SLX9: variants seen among roughly 807,000 people sequenced by gnomAD.
The protein encoded by SLX9 is SLX9 ribosome biogenesis factor, also known as ribosome biogenesis protein SLX9 homolog.
A neutral mutation model predicts 20.8 loss-of-function variants in SLX9; 19 were observed. The ratio of observed to expected loss-of-function variants is 0.91; its 90% CI spans 0.64 to 1.34. The LOEUF (loss-of-function observed/expected upper bound fraction) is 1.34, where lower values mean the gene tolerates loss of function less well. Ranked by LOEUF, SLX9 falls within the 40% of genes most tolerant of loss-of-function variation. The pLI is 0.00. For missense variants in SLX9, 299 were observed against 322.2 expected, an observed-to-expected ratio of 0.93 and a Z score of 0.55; for synonymous variants, 113 against 137.1, an observed-to-expected ratio of 0.82 and a Z score of 1.23.
In SLX9 at chr21:44,941,720, C is replaced by T. The variant is rs75747010; in HGVS notation, c.129+1534C>T. ...CTGGTAGGGTGCGTCCTTGAACATGCGCACAGCCTCCAGACTGCCAGGGAT... is the reference window on the plus strand; with the variant it reads ...CTGGTAGGGTGCGTCCTTGAACATGTGCACAGCCTCCAGACTGCCAGGGAT... On this transcript the variant is annotated intron_variant, in intron 1 of 5. Coordinates refer to ENST00000291634, the MANE Select transcript of SLX9 (RefSeq NM_058190.4). Among the ~76,000 whole-genome samples, 29 of 152,290 alleles carry T rather than the reference C, an allele frequency of 1.9e-4. No individual in the cohort carries two copies. In the East Asian group the frequency reaches 4.2e-3, roughly 22 times the overall value.
chr21:44,944,743 G>T (rs1470729806), intron 2 of SLX9, among the ~76,000 whole-genome samples: 2 of 152,204 alleles, frequency 1.3e-5, no homozygotes, highest in Non-Finnish European at 2.9e-5. Context: ...AGCTGGGAGC[G>T]CCAGGACAGG....
At chr21:44,968,263 ACAACCCCCAGTGACG>A (rs1203328130) in intron 4 of SLX9, among the ~76,000 whole-genome samples, 5 of 151,236 alleles carry the variant, frequency 3.3e-5, no homozygotes, top group South Asian at 2.1e-4. Flanking sequence ...CCCCAGTGAC[ACAACCCCCAGTGACG>A]CAACCCCGCC....
intron 2 of SLX9, among the ~76,000 whole-genome samples, chr21:44,952,717 T>C (rs2084781322): frequency 2.0e-5 from 3 of 152,184 alleles, no homozygotes; most frequent in African/African-American, 7.2e-5. Context: ...GTCCGTGTCA[T>C]GTGCTCCGGG....
At chr21:44,939,769 CCTTGGACGCAACCCCGGG>C (rs2084503907), upstream of SLX9, 1 of 541,508 alleles carries the variant, frequency 1.8e-6, no homozygotes, top group Non-Finnish European at 3.5e-6. Flanking sequence ...CCATCCCCGA[CCTTGGACGCAACCCCGGG>C]CTTGGGTCCC....
chr21:44,959,678 G>A (rs998263024), intron 2 of SLX9, among the ~76,000 whole-genome samples: 5 of 152,236 alleles, frequency 3.3e-5, no homozygotes, highest in Admixed American at 2.0e-4. Flanking sequence ...TGGGCCTGAC[G>A]TGACCACACA....
intron 2 of SLX9, among the ~76,000 whole-genome samples, chr21:44,948,946 C>T (rs1042507101): frequency 9.2e-5 from 14 of 152,182 alleles, no homozygotes; most frequent in African/African-American, 3.4e-4. Flanking sequence ...GCCAAGCCAC[C>T]CTCAGCCCCC....
chr21:44,947,026 G>A (rs548428000), intron 2 of SLX9, among the ~76,000 whole-genome samples: 3 of 152,200 alleles, frequency 2.0e-5, no homozygotes, highest in African/African-American at 7.2e-5. Context: ...TCAGGCCTCC[G>A]AGGTATCCAG....
At chr21:44,973,803 C>T (rs1048623447) in intron 5 of SLX9, among the ~76,000 whole-genome samples, 8 of 152,184 alleles carry the variant, frequency 5.3e-5, no homozygotes, top group Admixed American at 1.3e-4. Context: ...CACGCTGCTC[C>T]GCTGGCTCCT....
chr21:44,941,132 G>A (rs997032825), intron 1 of SLX9, among the ~76,000 whole-genome samples: 2 of 152,080 alleles, frequency 1.3e-5, no homozygotes, highest in Admixed American at 1.3e-4. Flanking sequence ...TGTTTGATGT[G>A]AGAATGTCAT....
At chr21:44,950,262 A>G (rs2084730984) in intron 2 of SLX9, among the ~76,000 whole-genome samples, 1 of 139,124 alleles carries the variant, frequency 7.2e-6, no homozygotes, top group African/African-American at 2.8e-5. Context: ...CTTTTTTAAG[A>G]CCTTTTTTTA....
intron 5 of SLX9, among the ~76,000 whole-genome samples, chr21:44,975,679 A>C (rs1231661823): frequency 6.6e-6 from 1 of 152,192 alleles, no homozygotes; most frequent in African/African-American, 2.4e-5. Context: ...GATCACTAGT[A>C]ATGTCCAGGC....
intron 2 of SLX9, among the ~76,000 whole-genome samples, chr21:44,951,038 C>CT (rs906701131): frequency 3.9e-5 from 6 of 152,092 alleles, no homozygotes; most frequent in African/African-American, 1.4e-4. Flanking sequence ...GTGCAGCAGG[C>CT]TAAGCCTTCA....
chr21:44,966,248 G>C (rs913163934), intron 3 of SLX9, among the ~76,000 whole-genome samples: 1 of 152,136 alleles, frequency 6.6e-6, no homozygotes, highest in African/African-American at 2.4e-5. Context: ...GGAGCTGGCT[G>C]TTGTCACCTC....
intron 2 of SLX9, among the ~76,000 whole-genome samples, chr21:44,955,909 A>G (rs888905486): frequency 2.0e-5 from 3 of 152,204 alleles, no homozygotes; most frequent in African/African-American, 7.2e-5. Context: ...AGGCGTTACC[A>G]GGTTGCCTAC....
At chr21:44,941,081 G>C (rs886579372) in intron 1 of SLX9, among the ~76,000 whole-genome samples, 2 of 151,704 alleles carry the variant, frequency 1.3e-5, no homozygotes, top group Non-Finnish European at 1.5e-5. Context: ...CTCTTCTCCT[G>C]TTCCTCCTCA....
chr21:44,963,557 GT>G (rs368210398), intron 3 of SLX9, among the ~76,000 whole-genome samples: 43 of 148,408 alleles, frequency 2.9e-4, no homozygotes, highest in South Asian at 8.6e-4. Flanking sequence ...TTTCATATTG[GT>G]TTTTTTTTTC....
intron 2 of SLX9, among the ~76,000 whole-genome samples, chr21:44,959,023 G>T (rs899476040): frequency 4.2e-4 from 64 of 152,226 alleles, no homozygotes; most frequent in Admixed American, 1.6e-3. Flanking sequence ...CCCCTTTGTG[G>T]TCGGGAGGGA....
chr21:44,973,950 C>T (rs147250080), intron 5 of SLX9, among the ~76,000 whole-genome samples: 346 of 152,336 alleles, frequency 2.3e-3, no homozygotes, highest in Non-Finnish European at 3.9e-3. Context: ...TCCGCCCCTC[C>T]CCTCCGCTGG....
intron 2 of SLX9, among the ~76,000 whole-genome samples, chr21:44,948,826 A>T (rs1304223577): frequency 6.6e-6 from 1 of 152,198 alleles, no homozygotes; most frequent in African/African-American, 2.4e-5. Flanking sequence ...GGCTGAGCTC[A>T]GCTCATGCTA....
Sources: gnomAD v4.1 joint callset for allele counts (sites outside exome capture counted in the v4.1 genomes callset) on GRCh38, gnomAD v4.1.1 for gene constraint, MANE v1.5 for transcripts, NCBI Gene and HGNC (gene_info 2026-07-23, HGNC 2026-07-21) for gene names.